The following ACSM1 variants were observed in gnomAD, a reference collection of about 807,000 sequenced individuals.
ACSM1 encodes acyl-coenzyme A synthetase ACSM1, mitochondrial.
A neutral mutation model predicts 75.8 loss-of-function variants in ACSM1; 79 were observed. That is an observed-to-expected ratio of 1.04 (90% CI 0.87 to 1.26). The LOEUF is 1.26. ACSM1 is among the 50% of genes most tolerant of loss of function. The probability of loss-of-function intolerance (pLI) is 0.00; values close to 1 mark genes in which losing one functional copy is unlikely to be tolerated. For missense variants in ACSM1, 676 were observed against 720.1 expected (o/e 0.94, Z 0.70); for synonymous variants, 279 against 265.8 (o/e 1.05, Z -0.48).
At chr16:20,671,446 C>CACACAA (rs2152271663) in intron 5 of ACSM1, 85 bp downstream of exon 5, 1 of 994,002 alleles carries the variant, frequency 1.0e-6, no homozygotes, top group Non-Finnish European at 1.4e-6. Context: ...CCAAGACACA[C>CACACAA]ACACACACAC....
intron 10 of ACSM1, among the ~76,000 whole-genome samples, chr16:20,632,025 T>C (rs2017376127): frequency 6.6e-6 from 1 of 152,086 alleles, no homozygotes; most frequent in Non-Finnish European, 1.5e-5. Context: ...CTAACACCAT[T>C]CATGAGGACC....
In ACSM1 at chr16:20,648,495, T is replaced by A. The variant is rs1050012193; in HGVS notation, c.993-7911A>T. On this transcript the variant is annotated intron_variant, in intron 7 of 13. Coordinates refer to ENST00000520010, the MANE Select transcript of ACSM1 (RefSeq NM_001318890.3). This position sits in a 1 kb window ranked among gnomAD's most constrained non-coding sequence, Gnocchi z 4.2. ...TCCAAAGTTATCCTAAGACAAGAGG[T>A]CAGGCCATGATGGAAATGGGTGGTT... Among the ~76,000 whole-genome samples the A allele has an allele frequency of 5.9e-5, 9 of 152,120 alleles. No individual in the cohort carries two copies. The highest frequency in any genetic ancestry group is 5.9e-4 in the Admixed American group (9 of 15,268).
chr16:20,629,501 G>C (rs1354139417), intron 10 of ACSM1, among the ~76,000 whole-genome samples: 1 of 152,152 alleles, frequency 6.6e-6, no homozygotes, highest in Non-Finnish European at 1.5e-5. Context: ...AAAGAAGGCA[G>C]TTATAAAGGA....
chr16:20,623,920 T>C (rs2016757875), intron 13 of ACSM1, among the ~76,000 whole-genome samples, 176 bp downstream of exon 13: 1 of 152,190 alleles, frequency 6.6e-6, no homozygotes, highest in Non-Finnish European at 1.5e-5. Context: ...AATGAGGAGA[T>C]GTGGAGGGCA....
chr16:20,651,413 G>C (rs1341563544), intron 7 of ACSM1, among the ~76,000 whole-genome samples: 5 of 151,990 alleles, frequency 3.3e-5, no homozygotes, highest in African/African-American at 1.2e-4. Flanking sequence ...CACATTACCT[G>C]AGGTCAGGAC....
At chr16:20,676,129 G>A (rs2020262430) in intron 4 of ACSM1, 1 of 152,302 alleles carries the variant, frequency 6.6e-6, no homozygotes, top group Non-Finnish European at 1.5e-5. Context: ...TCTCACCTGA[G>A]AAGGAGAAAT....
chr16:20,655,203 A>T (rs1044724195), intron 7 of ACSM1, among the ~76,000 whole-genome samples: 1 of 141,472 alleles, frequency 7.1e-6, no homozygotes, highest in African/African-American at 2.6e-5. Context: ...AACAATGAGA[A>T]TACATGGACA....
intron 1 of ACSM1, among the ~76,000 whole-genome samples, chr16:20,693,780 A>G (rs2079675504): frequency 2.0e-5 from 3 of 152,310 alleles, no homozygotes; most frequent in Admixed American, 2.0e-4. Flanking sequence ...AAAATCTCTA[A>G]CCTAGGCCAA....
intron 6 of ACSM1, among the ~76,000 whole-genome samples, chr16:20,662,908 A>G (rs1376030180): frequency 6.6e-6 from 1 of 152,098 alleles, no homozygotes; most frequent in Non-Finnish European, 1.5e-5. Flanking sequence ...TGTGTCAGTA[A>G]CCTCACCCCA....
intron 6 of ACSM1, among the ~76,000 whole-genome samples, chr16:20,666,208 T>C (rs2019557810): frequency 6.6e-6 from 1 of 152,128 alleles, no homozygotes; most frequent in Admixed American, 6.6e-5. Context: ...GCTGACAATA[T>C]ATGATTATAT....
intron 10 of ACSM1, among the ~76,000 whole-genome samples, chr16:20,628,770 T>C (rs1032032023): frequency 2.6e-5 from 4 of 152,206 alleles, no homozygotes; most frequent in African/African-American, 9.6e-5. Flanking sequence ...TTGTGTGAAG[T>C]TGGCACTTTT....
intron 7 of ACSM1, among the ~76,000 whole-genome samples, chr16:20,655,623 A>G (rs1007042095): frequency 1.3e-5 from 2 of 152,062 alleles, no homozygotes; most frequent in African/African-American, 4.8e-5. Context: ...TAATTGGTTA[A>G]AGCAAGATTT....
chr16:20,633,748 G>A (rs2017488715), intron 10 of ACSM1, among the ~76,000 whole-genome samples: 1 of 152,068 alleles, frequency 6.6e-6, no homozygotes, highest in Non-Finnish European at 1.5e-5. Flanking sequence ...GGTGAATAAA[G>A]GCCAGGCGCG....
chr16:20,623,651 C>T, intron 13 of ACSM1, 79 bp from the exon 14 acceptor site: 1 of 1,380,640 alleles, frequency 7.2e-7, no homozygotes, highest in South Asian at 1.2e-5. Context: ...CCTCCTCTGC[C>T]CCTCCACAGT....
At chr16:20,692,411 C>A (rs113590336) in intron 1 of ACSM1, among the ~76,000 whole-genome samples, 2,197 of 152,208 alleles carry the variant, frequency 0.014, 54 homozygotes, top group African/African-American at 0.05. Context: ...CATTTTGTGG[C>A]TGACAATTGG....
chr16:20,652,322 G>C (rs1396245626), intron 7 of ACSM1, among the ~76,000 whole-genome samples: 1 of 151,604 alleles, frequency 6.6e-6, no homozygotes, highest in African/African-American at 2.4e-5. Context: ...TTCTTATTAA[G>C]GTAAAATATC....
At chr16:20,693,095 G>T (rs573686683) in intron 1 of ACSM1, among the ~76,000 whole-genome samples, 29 of 152,004 alleles carry the variant, frequency 1.9e-4, no homozygotes, top group African/African-American at 6.8e-4. Flanking sequence ...ACTTGAACCT[G>T]GGAGTCGGAG....
At chr16:20,642,667 C>T (rs888412321) in intron 7 of ACSM1, among the ~76,000 whole-genome samples, 2 of 152,224 alleles carry the variant, frequency 1.3e-5, no homozygotes, top group African/African-American at 2.4e-5. Context: ...TGGCCAGGGC[C>T]TTAGAACTGA....
chr16:20,682,419 T>A lies in ACSM1; in HGVS notation c.448A>T (p.Ile150Phe), dbSNP rs2079466306. 1 of 1,613,820 alleles carries A rather than the reference T, an allele frequency of 6.2e-7. No individual in the cohort carries two copies. The highest frequency in any genetic ancestry group is 8.5e-7 in the Non-Finnish European group (1 of 1,179,910). Residue 150 changes from isoleucine to phenylalanine, a missense_variant, in exon 4 of 14, where the codon ATT becomes TTT. Transcript: ENST00000520010. ...PATILLKAKD[I>F]LYRLQLSKAK... ...TTAGACAACTGTAGTCGATAGAGAA[T>A]GTCTTTGGCCTTCAACAGGATGGTC...
Sources: allele counts gnomAD v4.1 joint callset (sites outside exome capture counted in the v4.1 genomes callset), GRCh38; gene constraint gnomAD v4.1.1; non-coding constraint Gnocchi (gnomAD v3.1); transcripts MANE v1.5; gene names NCBI Gene and HGNC (gene_info 2026-07-23, HGNC 2026-07-21).